Variants in MAN1A2 observed in about 807,000 individuals in gnomAD.
The protein encoded by MAN1A2 is mannosidase alpha class 1A member 2.
Under a neutral mutation model 75.7 loss-of-function variants are expected in MAN1A2, and 26 were observed. That is an observed-to-expected ratio of 0.34 (90% confidence interval 0.25 to 0.48). The LOEUF (loss-of-function observed/expected upper bound fraction) is 0.48, where lower values mean the gene tolerates loss of function less well. Among genes scored for constraint, MAN1A2 ranks in the 20% least tolerant of loss-of-function variants. The pLI, the probability that MAN1A2 is intolerant of heterozygous loss-of-function variation, is 0.99. For missense variants in MAN1A2, 562 were observed against 775.5 expected (o/e 0.72, Z 3.27); for synonymous variants, 247 against 264.6 (o/e 0.93, Z 0.65).
At chr1:117,402,137 A>T (rs772847571) in intron 1 of MAN1A2, 49 bp from the exon 2 acceptor site, 1 of 1,539,450 alleles carries the variant, frequency 6.5e-7, no homozygotes. Flanking sequence ...AAAGGTTGAC[A>T]TTCTTAAGTA....
At chr1:117,456,704 T>G (rs1202749426) in intron 6 of MAN1A2, among the ~76,000 whole-genome samples, 1 of 152,020 alleles carries the variant, frequency 6.6e-6, no homozygotes, top group Non-Finnish European at 1.5e-5. Context: ...AGACCAGATA[T>G]TTTTACAAAT....
At chr1:117,413,047 A>G (rs1389657489) in intron 3 of MAN1A2, among the ~76,000 whole-genome samples, 1 of 152,008 alleles carries the variant, frequency 6.6e-6, no homozygotes. Context: ...AAATGCTAAA[A>G]TTAAAAGAGA....
intron 3 of MAN1A2, among the ~76,000 whole-genome samples, chr1:117,412,553 TCA>T (rs1183365563): frequency 6.6e-6 from 1 of 151,810 alleles, no homozygotes; most frequent in Non-Finnish European, 1.5e-5. Context: ...CTTAGAATAT[TCA>T]GTTATTTTCA....
intron 1 of MAN1A2, among the ~76,000 whole-genome samples, chr1:117,378,976 T>A (rs1443548543): frequency 6.6e-6 from 1 of 152,162 alleles, no homozygotes; most frequent in African/African-American, 2.4e-5. Flanking sequence ...AATACCTTAT[T>A]TTTTAATTTT....
At chr1:117,466,448 G>A (rs1649986152) in intron 8 of MAN1A2, 21 bp downstream of exon 8, 1 of 1,448,534 alleles carries the variant, frequency 6.9e-7, no homozygotes, top group African/African-American at 1.4e-5. Context: ...TAGTATACCT[G>A]AGGCTTTCTT....
chr1:117,487,169 A>G (rs1650734320), intron 8 of MAN1A2, among the ~76,000 whole-genome samples: 1 of 152,082 alleles, frequency 6.6e-6, no homozygotes, highest in Admixed American at 6.6e-5. Flanking sequence ...TTTTCGGATG[A>G]AAGGGTTTGC....
At chr1:117,465,226 G>A (rs1015680917) in intron 7 of MAN1A2, among the ~76,000 whole-genome samples, 2 of 152,146 alleles carry the variant, frequency 1.3e-5, no homozygotes, top group African/African-American at 4.8e-5. Context: ...TAGTAAATGT[G>A]TGGAAATAAA....
intron 8 of MAN1A2, among the ~76,000 whole-genome samples, chr1:117,468,999 G>C (rs1650058755): frequency 6.6e-6 from 1 of 151,958 alleles, no homozygotes; most frequent in Non-Finnish European, 1.5e-5. Flanking sequence ...CCAGTATAAG[G>C]ATACTCAGAA....
chr1:117,467,333 G>A (rs1650011559), intron 8 of MAN1A2, among the ~76,000 whole-genome samples: 3 of 152,066 alleles, frequency 2.0e-5, no homozygotes, highest in Admixed American at 2.0e-4. Flanking sequence ...TTTTAGTATT[G>A]AAAACACTGC....
intron 5 of MAN1A2, among the ~76,000 whole-genome samples, chr1:117,421,587 G>A (rs1017314102): frequency 6.7e-6 from 1 of 149,746 alleles, no homozygotes; most frequent in African/African-American, 2.4e-5. Context: ...ATTTATTGTT[G>A]TTCCTTTGTG....
At chr1:117,428,769 CAA>C (rs950690219) in intron 5 of MAN1A2, among the ~76,000 whole-genome samples, 13 of 129,104 alleles carry the variant, frequency 1.0e-4, no homozygotes, top group Admixed American at 2.4e-4. Context: ...TTGTCAGAGA[CAA>C]GAGGAGACCT....
chr1:117,437,726 C>T (rs866817117), intron 5 of MAN1A2, among the ~76,000 whole-genome samples: 2 of 152,124 alleles, frequency 1.3e-5, no homozygotes, highest in Non-Finnish European at 2.9e-5. Context: ...ATCTCACTGG[C>T]TTGTTGTGAG....
chr1:117,399,706 T>C (rs777254438), intron 1 of MAN1A2, among the ~76,000 whole-genome samples: 1 of 152,232 alleles, frequency 6.6e-6, no homozygotes, highest in Non-Finnish European at 1.5e-5. Context: ...GTCTCTTGAT[T>C]GCAAGATGGC....
chr1:117,525,145 T>TA lies in MAN1A2; in HGVS notation c.*2189dup, dbSNP rs1309840220. ...CTACTTCCAAGTGCTCTATTTGTAT[T>TA]ACCCAGATGACTGAAGCTTAAGAGA... is the stretch of plus-strand genomic sequence containing the variant. On this transcript the variant is annotated 3_prime_UTR_variant, in exon 13 of 13. Coordinates refer to ENST00000356554, the MANE Select transcript of MAN1A2 (RefSeq NM_006699.5). The TA allele has an allele frequency of 5.7e-6, 3 of 527,706 alleles. No individual in the cohort carries two copies. In the Admixed American group the frequency reaches 5.9e-5, roughly 10 times the overall value. 32.7% of individuals were successfully genotyped at this position (527,706 alleles called of 1,614,324 possible).
At chr1:117,398,682 A>G (rs1312243532) in intron 1 of MAN1A2, among the ~76,000 whole-genome samples, 1 of 151,990 alleles carries the variant, frequency 6.6e-6, no homozygotes, top group East Asian at 1.9e-4. Flanking sequence ...TCAAAAAAAA[A>G]AAAAAGAACT....
intron 8 of MAN1A2, among the ~76,000 whole-genome samples, chr1:117,492,094 A>T (rs1326488639): frequency 1.3e-5 from 2 of 152,138 alleles, no homozygotes; most frequent in Non-Finnish European, 2.9e-5. Flanking sequence ...TTGATGCAGC[A>T]GTGTCAGGAT....
intron 1 of MAN1A2, among the ~76,000 whole-genome samples, chr1:117,382,369 G>A (rs1570697225): frequency 6.6e-6 from 1 of 152,148 alleles, no homozygotes; most frequent in African/African-American, 2.4e-5. Flanking sequence ...TAAGGTGTAA[G>A]GAAGGGATCC....
At chr1:117,488,561 A>G (rs1380525463) in intron 8 of MAN1A2, among the ~76,000 whole-genome samples, 1 of 152,116 alleles carries the variant, frequency 6.6e-6, no homozygotes, top group Non-Finnish European at 1.5e-5. Context: ...AATAGAAATT[A>G]GAAAAAAATG....
intron 2 of MAN1A2, among the ~76,000 whole-genome samples, chr1:117,403,756 A>G (rs897416051): frequency 1.1e-4 from 16 of 151,862 alleles, no homozygotes; most frequent in African/African-American, 3.9e-4. Flanking sequence ...TATACCTTTT[A>G]TATTTTTTTT....
Sources: gnomAD v4.1 joint callset for allele counts (sites outside exome capture counted in the v4.1 genomes callset) on GRCh38, gnomAD v4.1.1 for gene constraint, MANE v1.5 for transcripts, NCBI Gene and HGNC (gene_info 2026-07-23, HGNC 2026-07-21) for gene names.